DKK3: variants seen among roughly 807,000 people sequenced by gnomAD.
DKK3 encodes the protein dickkopf-related protein 3.
In DKK3, 22 loss-of-function variants were observed where a neutral mutation model predicts 33.2. That is an observed-to-expected ratio of 0.66 (90% CI 0.47 to 0.95). DKK3 has a LOEUF of 0.95. Ranked by LOEUF, DKK3 falls within the 40% of genes least tolerant of loss-of-function variation. The pLI is 0.00. For synonymous variants in DKK3, 194 were observed against 188.8 expected, an observed-to-expected ratio of 1.03 and a Z score of -0.23; for missense variants, 398 against 458.4, an observed-to-expected ratio of 0.87 and a Z score of 1.20.
At chr11:11,970,248 C>T (rs60855264) in intron 3 of DKK3, among the ~76,000 whole-genome samples, 5,161 of 152,196 alleles carry the variant, frequency 0.034, 297 homozygotes, top group African/African-American at 0.12. Flanking sequence ...GAGGCCTCTG[C>T]CCTTAAGAAA....
chr11:11,980,708 T>C (rs535579587), intron 3 of DKK3, among the ~76,000 whole-genome samples: 10 of 151,896 alleles, frequency 6.6e-5, no homozygotes. Flanking sequence ...CCCACCCCAG[T>C]TGGGTACTCA....
intron 3 of DKK3, among the ~76,000 whole-genome samples, chr11:11,974,992 A>T (rs1001663133): frequency 3.3e-5 from 5 of 152,218 alleles, no homozygotes; most frequent in African/African-American, 1.2e-4. Context: ...TTGATGGAAG[A>T]AAAGCTCAGA....
intron 3 of DKK3, among the ~76,000 whole-genome samples, chr11:11,992,822 C>T (rs1848214032): frequency 6.6e-6 from 1 of 152,146 alleles, no homozygotes; most frequent in Non-Finnish European, 1.5e-5. Context: ...AAATAAACCT[C>T]TTTTCTTTGT....
At chr11:11,980,513 C>A (rs1393595737) in intron 3 of DKK3, among the ~76,000 whole-genome samples, 1 of 152,150 alleles carries the variant, frequency 6.6e-6, no homozygotes, top group Non-Finnish European at 1.5e-5. Context: ...TGTTTTCCAG[C>A]CTGATTTTTC....
intron 3 of DKK3, among the ~76,000 whole-genome samples, chr11:11,996,787 C>T (rs1396109417): frequency 6.6e-6 from 1 of 152,200 alleles, no homozygotes; most frequent in African/African-American, 2.4e-5. Context: ...TATGGGGGTT[C>T]GGATTCTGCC....
intron 4 of DKK3, 134 bp downstream of exon 4, chr11:11,968,261 G>A: frequency 1.3e-6 from 1 of 740,918 alleles, no homozygotes; most frequent in Non-Finnish European, 2.1e-6. Flanking sequence ...GCCCTCTGGG[G>A]AGCCCTCTTG....
intron 3 of DKK3, among the ~76,000 whole-genome samples, chr11:11,980,332 G>A (rs533530419): frequency 1.3e-5 from 2 of 152,348 alleles, no homozygotes; most frequent in East Asian, 3.9e-4. Flanking sequence ...TGAATCTGCA[G>A]GGCTTACGGG....
At position 11,973,577 on chromosome 11, in the gene DKK3, C is replaced by T. The variant is rs544480511; in HGVS notation, c.436-5090G>A. ...CCTGCTGGGGGAATCTGACAAACAG[C>T]CCAGAAGCTGGCCATGGGGAATGCA... On this transcript the variant is annotated intron_variant, in intron 3 of 6. Coordinates refer to ENST00000683431, the MANE Select transcript of DKK3 (RefSeq NM_001018057.2). Among the ~76,000 whole-genome samples the T allele has an allele frequency of 4.6e-5, 7 of 152,324 alleles. No homozygotes were observed. In the East Asian group the frequency reaches 1.4e-3, roughly 29 times the overall value.
At chr11:11,972,163 G>C (rs1170075754) in intron 3 of DKK3, among the ~76,000 whole-genome samples, 2 of 152,214 alleles carry the variant, frequency 1.3e-5, no homozygotes, top group African/African-American at 4.8e-5. Context: ...TAAAAACAAA[G>C]ATGAAGGCAG....
intron 1 of DKK3, among the ~76,000 whole-genome samples, chr11:12,007,222 A>C (rs1223226322): frequency 6.6e-6 from 1 of 152,196 alleles, no homozygotes; most frequent in African/African-American, 2.4e-5. Flanking sequence ...CCCCCTGGAG[A>C]CAAGGGCCAG....
intron 3 of DKK3, among the ~76,000 whole-genome samples, chr11:11,988,345 A>G (rs1294149409): frequency 1.3e-5 from 2 of 152,160 alleles, no homozygotes; most frequent in Non-Finnish European, 2.9e-5. Context: ...AGACCAGCTC[A>G]TTTATTAGAT....
In DKK3 at chr11:11,964,338, G is replaced by A; in HGVS notation, c.*126C>T. On this transcript the variant is annotated 3_prime_UTR_variant, in exon 7 of 7. Coordinates refer to ENST00000683431, the MANE Select transcript of DKK3 (RefSeq NM_001018057.2). ...AATGCACAACACCTCATGCTGTCAA[G>A]CCAGAGGGGAAACTTACTGGGAAGA... 1 of 1,249,144 alleles carries A rather than the reference G, an allele frequency of 8.0e-7. No individual in the cohort carries two copies. The highest frequency in any genetic ancestry group is 1.4e-5 in the South Asian group (1 of 69,812). 77.4% of individuals were successfully genotyped at this position (1,249,144 alleles called of 1,614,324 possible). A position where few individuals can be genotyped will look rare whatever the true frequency, so the allele number is the denominator to read the frequency against.
At chr11:11,967,216 C>T in intron 4 of DKK3, 118 bp from the exon 5 acceptor site, 2 of 1,269,848 alleles carry the variant, frequency 1.6e-6, no homozygotes, top group Non-Finnish European at 2.2e-6. Context: ...TAGAGACAGG[C>T]AGACCAGGCT....
chr11:12,004,336 A>T (rs1848494451), intron 1 of DKK3, among the ~76,000 whole-genome samples: 1 of 152,162 alleles, frequency 6.6e-6, no homozygotes. Context: ...AAGTTCCAGA[A>T]GGCTAGCGGG....
At chr11:12,002,788 T>G (rs1348612433) in intron 1 of DKK3, among the ~76,000 whole-genome samples, 1 of 152,172 alleles carries the variant, frequency 6.6e-6, no homozygotes, top group Non-Finnish European at 1.5e-5. Flanking sequence ...GTGTAAACGC[T>G]GTTGATGCCC....
At chr11:12,002,263 A>G in intron 2 of DKK3, 37 bp downstream of exon 2, 1 of 1,599,886 alleles carries the variant, frequency 6.3e-7, no homozygotes, top group Non-Finnish European at 8.5e-7. Context: ...ATGGGACTGG[A>G]CGCTATAGAA....
In DKK3 at chr11:11,985,864, G is replaced by A. The variant is rs115910764; in HGVS notation, c.435+12832C>T. On this transcript the variant is annotated intron_variant, in intron 3 of 6. Coordinates refer to ENST00000683431, the MANE Select transcript of DKK3 (RefSeq NM_001018057.2). Reference sequence around the variant, plus strand: ...CAAAACCATGGGGATGCGGGGAGAGGAGAGCAGCTCTGCACAAGGCAAGCA... The same window carrying A: ...CAAAACCATGGGGATGCGGGGAGAGAAGAGCAGCTCTGCACAAGGCAAGCA... Among the ~76,000 whole-genome samples, 439 of 152,328 alleles carry A rather than the reference G, an allele frequency of 2.9e-3. 1 individual carries two copies. The highest frequency in any genetic ancestry group is 0.01 in the African/African-American group (424 of 41,576).
intron 3 of DKK3, among the ~76,000 whole-genome samples, chr11:11,984,857 G>A (rs1848034940): frequency 6.6e-6 from 1 of 152,072 alleles, no homozygotes. Flanking sequence ...CCTGCCCTGA[G>A]GAATTATTCT....
chr11:11,965,742 T>TA, intron 6 of DKK3, 67 bp downstream of exon 6: 1 of 1,564,442 alleles, frequency 6.4e-7, no homozygotes, highest in Non-Finnish European at 8.6e-7. Flanking sequence ...CTCCTGCTCC[T>TA]ACGCCCCTGC....
Sources: allele counts gnomAD v4.1 joint callset (sites outside exome capture counted in the v4.1 genomes callset), GRCh38; gene constraint gnomAD v4.1.1; transcripts MANE v1.5; gene names NCBI Gene and HGNC (gene_info 2026-07-23, HGNC 2026-07-21).